The following FOSL1 variants were observed in gnomAD, a reference collection of about 807,000 sequenced individuals.
The protein encoded by FOSL1 is fos-related antigen 1.
A neutral mutation model predicts 24.9 loss-of-function variants in FOSL1; 14 were observed. The observed-to-expected ratio is 0.56, with a 90% CI of 0.37 to 0.88. FOSL1 has a LOEUF of 0.88. FOSL1 is among the 40% of genes least tolerant of loss of function. The pLI is 0.00. For synonymous variants in FOSL1, 133 were observed against 145.1 expected, an observed-to-expected ratio of 0.92 and a Z score of 0.60; for missense variants, 318 against 359.8, an observed-to-expected ratio of 0.88 and a Z score of 0.94.
intron 2 of FOSL1, 97 bp downstream of exon 2, chr11:65,896,712 C>T: frequency 1.9e-6 from 2 of 1,040,546 alleles, no homozygotes; most frequent in Non-Finnish European, 2.8e-6. Flanking sequence ...CTACCTTACC[C>T]CCTCCTAAGC....
rs751711445 is a variant in FOSL1, at chr11:65,892,839, G to C, written c.*47C>G. The C allele has an allele frequency of 1.9e-6, 3 of 1,585,340 alleles. No individual in the cohort carries two copies. The African/African-American group carries it at 4.0e-5, about 21-fold the overall frequency. On this transcript the variant is annotated 3_prime_UTR_variant, in exon 4 of 4. Transcript: ENST00000312562. ...AGCTGGACCGGTGGGGGAAGGGGAG[G>C]AGACATTGGCTAGGGTGGCATCTGC... is the stretch of plus-strand genomic sequence containing the variant.
chr11:65,898,735 G>C (rs1028125585), intron 1 of FOSL1, among the ~76,000 whole-genome samples: 1 of 152,152 alleles, frequency 6.6e-6, no homozygotes, highest in Non-Finnish European at 1.5e-5. Flanking sequence ...GAGGTAGAAG[G>C]ATCACTTGAG....
chr11:65,893,399 A>G, intron 3 of FOSL1, 103 bp from the exon 4 acceptor site: 1 of 554,766 alleles, frequency 1.8e-6, no homozygotes. Context: ...GGGCGGGGGG[A>G]GAGGGGGGGC....
chr11:65,898,043 C>CCGGTTTTTT (rs1416098633), intron 1 of FOSL1, among the ~76,000 whole-genome samples: 1 of 79,672 alleles, frequency 1.3e-5, no homozygotes, highest in Non-Finnish European at 2.2e-5. Context: ...TTTTTCTTTT[C>CCGGTTTTTT]TGTTTTTTTT....
chr11:65,900,506 A>G (rs1860651023), upstream of FOSL1: 2 of 398,918 alleles, frequency 5.0e-6, no homozygotes, highest in Non-Finnish European at 8.8e-6. Flanking sequence ...TCCACCCCCG[A>G]GACGCGCCGC....
At chr11:65,900,414 T>C, upstream of FOSL1, 1 of 866,908 alleles carries the variant, frequency 1.2e-6, no homozygotes, top group Non-Finnish European at 1.5e-6. Flanking sequence ...AGTCTTTTCT[T>C]TTTATGAATG....
intron 2 of FOSL1, 47 bp downstream of exon 2, chr11:65,896,762 G>T (rs1364911937): frequency 6.8e-7 from 1 of 1,468,156 alleles, no homozygotes. Context: ...CTGCACCCTA[G>T]CACTCCTGGG....
At chr11:65,893,890 C>T (rs1860457328) in intron 3 of FOSL1, 124 bp downstream of exon 3, 2 of 709,764 alleles carry the variant, frequency 2.8e-6, no homozygotes, top group African/African-American at 1.7e-5. Context: ...TCATCATTTT[C>T]CCAGAAGGAC....
chr11:65,897,793 G>T (rs895809428), intron 1 of FOSL1, among the ~76,000 whole-genome samples: 1 of 152,116 alleles, frequency 6.6e-6, no homozygotes, highest in African/African-American at 2.4e-5. Context: ...TCAGGTGAGA[G>T]AATGTGTGCG....
intron 1 of FOSL1, among the ~76,000 whole-genome samples, chr11:65,897,683 C>G (rs1398880876): frequency 6.6e-6 from 1 of 152,066 alleles, no homozygotes; most frequent in Non-Finnish European, 1.5e-5. Flanking sequence ...TCCGCAGACA[C>G]AGAGCCAATG....
chr11:65,899,752 G>T (rs1177130152), intron 1 of FOSL1, among the ~76,000 whole-genome samples: 1 of 152,186 alleles, frequency 6.6e-6, no homozygotes, highest in African/African-American at 2.4e-5. Context: ...GGACGGACAC[G>T]CGGAGGGTCG....
chr11:65,894,953 G>A (rs1165430094), intron 2 of FOSL1, among the ~76,000 whole-genome samples: 4 of 149,166 alleles, frequency 2.7e-5, no homozygotes, highest in Non-Finnish European at 4.5e-5. Flanking sequence ...CACTGTGCTC[G>A]GCCTTTTTTT....
rs745518234 is a variant in FOSL1, at chr11:65,893,035, T to G, written c.667A>C (p.Thr223Pro). 2.5e-6 allele frequency: 4 copies of G among 1,611,426 alleles called. No individual in the cohort carries two copies. Among genetic ancestry groups the G allele is most frequent in the Non-Finnish European group, 3.4e-6 (4 of 1,179,200 alleles). Reference protein sequence around the residue: ...EALHTPTLMTTPSLTPFTPSL... With the variant: ...EALHTPTLMTPPSLTPFTPSL... ...GGGGTGAAAGGAGTTAGGGAGGGTG[T>G]GGTCATGAGTGTGGGGGTGTGCAGT... The change falls in exon 4 of 4, where the codon ACA (threonine) becomes CCA (proline). Residue 223 changes from threonine to proline, a missense_variant. Transcript: ENST00000312562.
At chr11:65,898,444 C>G (rs1424589632) in intron 1 of FOSL1, among the ~76,000 whole-genome samples, 1 of 152,154 alleles carries the variant, frequency 6.6e-6, no homozygotes, top group Non-Finnish European at 1.5e-5. Flanking sequence ...CTCAGCCTCC[C>G]AAAGTGTTGA....
Position 65,893,098 on chromosome 11 carries a change from T to C in FOSL1, c.604A>G (p.Ile202Val). The change falls in exon 4 of 4, where the codon ATC (isoleucine) becomes GTC (valine). Residue 202 changes from isoleucine (I) to valine (V), a missense_variant. By Grantham distance (29) the Ile-to-Val change is conservative. Coordinates refer to ENST00000312562, the MANE Select transcript of FOSL1 (RefSeq NM_005438.5). ...AGCACAGGCCCTGGGGAAAGGGAGA[T>C]ACAAGGTACAGGGCGGCAGGGGGCT... ...PPAPCRPVPC[I>V]SLSPGPVLEP... 1.2e-6 allele frequency: 2 copies of C among 1,612,386 alleles called. No homozygotes were observed. Among genetic ancestry groups the C allele is most frequent in the Non-Finnish European group, 8.5e-7 (1 of 1,179,644 alleles).
chr11:65,900,342 C>A lies in FOSL1; in HGVS notation c.-3G>T. On this transcript the variant is annotated 5_prime_UTR_variant, in exon 1 of 4. Transcript: ENST00000312562. ...GGTTCCCCGAAGTCTCGGAACATGC[C>A]CGGGGCTGGCGGCTCTGCGGGGTAC... is the stretch of plus-strand genomic sequence containing the variant. 1 of 1,234,812 alleles carries A rather than the reference C, an allele frequency of 8.1e-7. No homozygotes were observed. 76.5% of individuals were successfully genotyped at this position (1,234,812 alleles called of 1,614,324 possible). A position where few individuals can be genotyped will look rare whatever the true frequency, so the allele number is the denominator to read the frequency against.
In FOSL1 at chr11:65,892,872, A is replaced by T; in HGVS notation, c.*14T>A. 1 of 1,608,402 alleles carries T rather than the reference A, an allele frequency of 6.2e-7. No individual in the cohort carries two copies. Among genetic ancestry groups the T allele is most frequent in the Non-Finnish European group, 8.5e-7 (1 of 1,178,602 alleles). On this transcript the variant is annotated 3_prime_UTR_variant, in exon 4 of 4. Coordinates refer to ENST00000312562, the MANE Select transcript of FOSL1 (RefSeq NM_005438.5). ...GGCTAGGGTGGCATCTGCAGGGAGTAGGGCTCAGGCGCCTCACAAAGCGAG... is the reference window on the plus strand; with the variant it reads ...GGCTAGGGTGGCATCTGCAGGGAGTTGGGCTCAGGCGCCTCACAAAGCGAG...
chr11:65,895,362 G>T (rs1299881643), intron 2 of FOSL1, among the ~76,000 whole-genome samples: 1 of 152,024 alleles, frequency 6.6e-6, no homozygotes, highest in Non-Finnish European at 1.5e-5. Flanking sequence ...CTGACCTCAT[G>T]ATCCACCTTC....
intron 1 of FOSL1, among the ~76,000 whole-genome samples, chr11:65,897,592 G>C (rs1012974800): frequency 6.6e-6 from 1 of 151,918 alleles, no homozygotes; most frequent in Non-Finnish European, 1.5e-5. Context: ...CACCCGCCTC[G>C]GCCTCCCAAA....
Sources: allele counts gnomAD v4.1 joint callset (sites outside exome capture counted in the v4.1 genomes callset), GRCh38; gene constraint gnomAD v4.1.1; transcripts MANE v1.5; gene names NCBI Gene and HGNC (gene_info 2026-07-23, HGNC 2026-07-21).